HLCS: variants seen among roughly 807,000 people sequenced by gnomAD.
HLCS encodes biotin--protein ligase.
HLCS carries 53 observed loss-of-function variants against 75.0 expected under a neutral mutation model. The observed-to-expected ratio is 0.71, with a 90% CI of 0.57 to 0.89. The LOEUF (loss-of-function observed/expected upper bound fraction) is 0.89, where lower values mean the gene tolerates loss of function less well. Ranked by LOEUF, HLCS falls within the 40% of genes least tolerant of loss-of-function variation. The pLI is 0.00. For synonymous variants in HLCS, 431 were observed against 428.6 expected, an observed-to-expected ratio of 1.01 and a Z score of -0.07; for missense variants, 966 against 1,074.0, an observed-to-expected ratio of 0.90 and a Z score of 1.41.
intron 6 of HLCS, among the ~76,000 whole-genome samples, chr21:36,888,266 A>G (rs1254004974): frequency 6.6e-6 from 1 of 151,584 alleles, no homozygotes; most frequent in Non-Finnish European, 1.5e-5. Context: ...AGTTAGCAGC[A>G]CAGACCCAGA....
At chr21:36,787,692 T>G (rs1279836851) in intron 6 of HLCS, among the ~76,000 whole-genome samples, 2 of 152,200 alleles carry the variant, frequency 1.3e-5, no homozygotes, top group Non-Finnish European at 2.9e-5. Context: ...CGCTGCTTCC[T>G]GGTCAGAGCC....
At chr21:36,770,272 G>A (rs1008455291) in intron 6 of HLCS, among the ~76,000 whole-genome samples, 6 of 148,240 alleles carry the variant, frequency 4.0e-5, no homozygotes, top group African/African-American at 1.3e-4. Flanking sequence ...TCAGCCTCCC[G>A]AATAGCTGGG....
At chr21:36,904,712 T>A (rs2065378546) in intron 5 of HLCS, among the ~76,000 whole-genome samples, 1 of 152,184 alleles carries the variant, frequency 6.6e-6, no homozygotes, top group Non-Finnish European at 1.5e-5. Context: ...ATACCAAAAT[T>A]ACTATCTGTT....
intron 2 of HLCS, among the ~76,000 whole-genome samples, chr21:36,948,579 A>G (rs1472167448): frequency 1.3e-5 from 2 of 150,742 alleles, no homozygotes; most frequent in African/African-American, 4.9e-5. Flanking sequence ...AAAACAAAAG[A>G]CTAGCTGGGT....
chr21:36,764,167 G>A (rs1172403589), intron 8 of HLCS, among the ~76,000 whole-genome samples: 3 of 152,228 alleles, frequency 2.0e-5, no homozygotes, highest in African/African-American at 7.2e-5. Context: ...GGGAGGCTGA[G>A]GCGGGCGGAT....
At chr21:36,984,789 A>C (rs2069195398) in intron 1 of HLCS, among the ~76,000 whole-genome samples, 1 of 152,100 alleles carries the variant, frequency 6.6e-6, no homozygotes, top group Non-Finnish European at 1.5e-5. Context: ...GGGCACTTGT[A>C]CCCTCTAAAT....
At chr21:36,931,215 G>A (rs932278805) in intron 4 of HLCS, among the ~76,000 whole-genome samples, 3 of 149,918 alleles carry the variant, frequency 2.0e-5, no homozygotes, top group East Asian at 2.0e-4. Flanking sequence ...CCCAGGAGGC[G>A]GAAGTTGCGG....
chr21:36,960,085 T>G (rs796627133), intron 2 of HLCS, among the ~76,000 whole-genome samples: 6 of 145,536 alleles, frequency 4.1e-5, no homozygotes, highest in African/African-American at 1.5e-4. Flanking sequence ...AGCAAAAGCC[T>G]CATTCAGTAC....
intron 10 of HLCS, among the ~76,000 whole-genome samples, chr21:36,755,690 G>C (rs2123565300): frequency 6.6e-6 from 1 of 152,242 alleles, no homozygotes; most frequent in South Asian, 2.1e-4. Flanking sequence ...ACCTTCTTTT[G>C]GTCTAATTGT....
intron 6 of HLCS, among the ~76,000 whole-genome samples, chr21:36,876,924 GCT>G (rs1480406508): frequency 5.9e-5 from 9 of 152,186 alleles, no homozygotes; most frequent in African/African-American, 2.2e-4. Flanking sequence ...ATACTTTAAA[GCT>G]CTGTTATTAG....
chr21:36,962,084 G>A lies in HLCS; in HGVS notation c.282C>T (p.Ser94=), dbSNP rs966049570. 3.1e-6 allele frequency: 4 copies of A among 1,289,068 alleles called. No homozygotes were observed. Among genetic ancestry groups the A allele is most frequent in the Admixed American group, 4.6e-5 (2 of 43,530 alleles). The allele number at this position is 1,289,068 out of a possible 1,614,324, so 79.9% of individuals were successfully genotyped here. A position where few individuals can be genotyped will look rare whatever the true frequency, so the allele number is the denominator to read the frequency against. The stretch of plus-strand genomic sequence containing the variant: ...GTAAATTCTCACTTTGTACCCAAAT[G>A]CTCTCCGTCACAAATGCTATGTGTT... The part of the protein sequence containing the change: ...EAEHIAFVTE[S]IWVQSENLQR... The change falls in exon 2 of 11, where the codon AGC becomes AGT. Residue 94 remains serine (S), a synonymous_variant. Coordinates refer to ENST00000674895, the MANE Select transcript of HLCS (RefSeq NM_001352514.2).
In HLCS at chr21:36,958,166, C is replaced by G. The variant is rs1237505949; in HGVS notation, c.330+3870G>C. On this transcript the variant is annotated intron_variant, in intron 2 of 10. Coordinates refer to ENST00000674895, the MANE Select transcript of HLCS (RefSeq NM_001352514.2). Reference sequence around the variant, plus strand: ...GCTGAGGCAGGAGGATGGCGTCAACCTGGGAGGCGGAGCTTGCAGTGAGCC... The same window carrying G: ...GCTGAGGCAGGAGGATGGCGTCAACGTGGGAGGCGGAGCTTGCAGTGAGCC... Among the ~76,000 whole-genome samples, 8 of 151,096 alleles carry G rather than the reference C, an allele frequency of 5.3e-5. No individual in the cohort carries two copies. The East Asian group carries it at 1.4e-3, about 26-fold the overall frequency.
chr21:36,899,072 G>A (rs2065131694), intron 5 of HLCS, among the ~76,000 whole-genome samples: 1 of 151,972 alleles, frequency 6.6e-6, no homozygotes. Flanking sequence ...AGAAAAAAAG[G>A]AAGTACTGTG....
At chr21:36,948,085 T>A in intron 2 of HLCS, 2 of 524,024 alleles carry the variant, frequency 3.8e-6, no homozygotes, top group Non-Finnish European at 4.9e-6. Context: ...AGGTCAGGAG[T>A]TCGAAACCAG....
chr21:36,768,980 T>C (rs2090138797), intron 6 of HLCS, among the ~76,000 whole-genome samples: 2 of 152,052 alleles, frequency 1.3e-5, no homozygotes, highest in South Asian at 4.1e-4. Flanking sequence ...GAGGGGATGA[T>C]TTAGCGTGTT....
At chr21:36,862,412 G>A (rs534357910) in intron 6 of HLCS, among the ~76,000 whole-genome samples, 165 of 152,294 alleles carry the variant, frequency 1.1e-3, no homozygotes, top group African/African-American at 3.8e-3. Context: ...CATCAACAGT[G>A]TGGAAGAGTT....
At chr21:36,841,601 C>G (rs2062618780) in intron 6 of HLCS, among the ~76,000 whole-genome samples, 1 of 152,194 alleles carries the variant, frequency 6.6e-6, no homozygotes, top group African/African-American at 2.4e-5. Context: ...AAATCCTAGG[C>G]TGGGAAACAG....
rs79373682 is a variant in HLCS at position 36,754,331 on chromosome 21, T to C, written c.2537A>G (p.Gln846Arg). The change falls in exon 11 of 11, where the codon CAG becomes CGG. Residue 846 changes from glutamine (Q) to arginine (R), a missense_variant. By Grantham distance (43) the Gln-to-Arg change is conservative. Coordinates refer to ENST00000674895, the MANE Select transcript of HLCS (RefSeq NM_001352514.2). The stretch of plus-strand genomic sequence containing the variant: ...CACAGTCACAACCTCGCCGCCCTCC[T>C]GGTGAACCTGGAGGAAGCCAGAATC... The part of the protein sequence containing the change: ...LDDSGFLQVH[Q>R]EGGEVVTVHP... 6 of 1,614,014 alleles carry C rather than the reference T, an allele frequency of 3.7e-6. No homozygotes were observed. The East Asian group carries it at 8.9e-5, about 24-fold the overall frequency.
In HLCS at chr21:36,954,148, A is replaced by C. The variant is rs571843756; in HGVS notation, c.330+7888T>G. Among the ~76,000 whole-genome samples the C allele has an allele frequency of 1.5e-3, 227 of 152,190 alleles. 2 individuals are homozygous for C. Among genetic ancestry groups the C allele is most frequent in the African/African-American group, 5.2e-3 (217 of 41,512 alleles). On this transcript the variant is annotated intron_variant, in intron 2 of 10. Coordinates refer to ENST00000674895, the MANE Select transcript of HLCS (RefSeq NM_001352514.2). ...TGGTGAAACCCCGCCTCTACTAAAA[A>C]TACAAAAATTAGCCGGGCATGGTGG...
Sources: allele counts gnomAD v4.1 joint callset (sites outside exome capture counted in the v4.1 genomes callset), GRCh38; gene constraint gnomAD v4.1.1; transcripts MANE v1.5; gene names NCBI Gene and HGNC (gene_info 2026-07-23, HGNC 2026-07-21).